Variants in NEDD4L observed in about 807,000 individuals in gnomAD.
NEDD4L encodes E3 ubiquitin-protein ligase NEDD4-like.
In NEDD4L, 54 loss-of-function variants were observed where a neutral mutation model predicts 148.9. The observed-to-expected ratio is 0.36, with a 90% confidence interval of 0.29 to 0.45. The LOEUF is 0.45. NEDD4L is among the 20% of genes least tolerant of loss of function. NEDD4L has a pLI of 1.00. For missense variants in NEDD4L, 856 were observed against 1,233.8 expected (o/e 0.69, Z 4.59); for synonymous variants, 433 against 440.7 (o/e 0.98, Z 0.22).
chr18:58,338,272 A>G lies in NEDD4L; in HGVS notation c.1125+2735A>G, dbSNP rs577595094. The stretch of plus-strand genomic sequence containing the variant: ...CTTTTTTGTTAAGCTAGGGTGGAAC[A>G]TGCTCACAAGCACAGAACAGCAGAA... On this transcript the variant is annotated intron_variant, in intron 13 of 30. Transcript: ENST00000400345. Among the ~76,000 whole-genome samples the G allele has an allele frequency of 2.0e-5, 3 of 152,376 alleles. No individual in the cohort carries two copies. The South Asian group carries it at 6.2e-4, about 32-fold the overall frequency.
At position 58,383,670 on chromosome 18, in the gene NEDD4L, G is replaced by A. The variant is rs191656602; in HGVS notation, c.2426+351G>A. On this transcript the variant is annotated intron_variant, in intron 25 of 30. Transcript: ENST00000400345. ...TCAGTGACCAGCAGGGCAAAATTAG[G>A]AACCAACAAAGAAAAAATATTTTGT... Among the ~76,000 whole-genome samples, 400 of 152,264 alleles carry A rather than the reference G, an allele frequency of 2.6e-3. 1 individual carries two copies. The highest frequency in any genetic ancestry group is 5.6e-3 in the South Asian group (27 of 4,816).
intron 2 of NEDD4L, among the ~76,000 whole-genome samples, chr18:58,225,423 C>T (rs530147227): frequency 2.0e-4 from 31 of 152,314 alleles, no homozygotes; most frequent in African/African-American, 6.7e-4. Flanking sequence ...CAGCCCCAGC[C>T]GCTTCATCTG....
At chr18:58,060,805 C>A (rs886840148) in intron 1 of NEDD4L, among the ~76,000 whole-genome samples, 1 of 152,036 alleles carries the variant, frequency 6.6e-6, no homozygotes, top group African/African-American at 2.4e-5. Flanking sequence ...GTTGCGCAGG[C>A]TGGAGTGCAA....
chr18:58,093,975 G>A (rs1042214179), intron 1 of NEDD4L, among the ~76,000 whole-genome samples: 6 of 152,162 alleles, frequency 3.9e-5, no homozygotes, highest in African/African-American at 9.7e-5. Flanking sequence ...GCTGTGGGCT[G>A]CTTTCCTGAA....
chr18:58,311,649 A>G (rs934500853), intron 5 of NEDD4L, among the ~76,000 whole-genome samples: 13 of 152,380 alleles, frequency 8.5e-5, no homozygotes, highest in African/African-American at 3.1e-4. Context: ...GTATAGTAAG[A>G]TTCGAATCAC....
chr18:58,216,012 C>G (rs2043127184), intron 2 of NEDD4L, among the ~76,000 whole-genome samples: 1 of 150,806 alleles, frequency 6.6e-6, no homozygotes, highest in South Asian at 2.1e-4. Flanking sequence ...GATTCTGTTC[C>G]TATGATACCT....
chr18:58,081,267 G>A (rs1243020072), intron 1 of NEDD4L, among the ~76,000 whole-genome samples: 3 of 142,480 alleles, frequency 2.1e-5, no homozygotes, highest in South Asian at 2.2e-4. Flanking sequence ...CTGGGCTGGA[G>A]TGCAGTGGCG....
intron 16 of NEDD4L, among the ~76,000 whole-genome samples, chr18:58,344,600 A>G (rs1351480352): frequency 1.3e-5 from 2 of 152,260 alleles, no homozygotes; most frequent in Non-Finnish European, 2.9e-5. Flanking sequence ...AACTGCTTCT[A>G]AGGCATATAA....
At chr18:58,327,886 T>C (rs2059442014) in intron 9 of NEDD4L, among the ~76,000 whole-genome samples, 1 of 152,058 alleles carries the variant, frequency 6.6e-6, no homozygotes, top group African/African-American at 2.4e-5. Flanking sequence ...ACTAAAAGCC[T>C]CTGACTAGTA....
intron 11 of NEDD4L, among the ~76,000 whole-genome samples, chr18:58,332,463 C>T (rs1320194003): frequency 6.6e-6 from 1 of 152,102 alleles, no homozygotes; most frequent in African/African-American, 2.4e-5. Flanking sequence ...GCCTGGCCAA[C>T]ATGGTGAAAC....
chr18:58,268,158 G>A lies in NEDD4L; in HGVS notation c.297+16104G>A, dbSNP rs79056639. On this transcript the variant is annotated intron_variant, in intron 5 of 30. Coordinates refer to ENST00000400345, the MANE Select transcript of NEDD4L (RefSeq NM_001144967.3). ...CTTCTATACCATCCTGAGGTTATAG[G>A]AAGAATGGGGCTCAGAGCCCGACCA... Among the ~76,000 whole-genome samples the A allele has an allele frequency of 5.2e-3, 795 of 152,180 alleles. 8 individuals carry two copies. The highest frequency in any genetic ancestry group is 8.1e-3 in the Non-Finnish European group (550 of 67,950).
At chr18:58,195,624 GATTTCTCCTC>G (rs760812793) in intron 2 of NEDD4L, 6 of 1,348,930 alleles carry the variant, frequency 4.4e-6, no homozygotes, top group Non-Finnish European at 5.9e-6. Flanking sequence ...CGGAGACCAG[GATTTCTCCTC>G]GCCGCCGTTG....
At chr18:58,284,976 T>G (rs1329987599) in intron 5 of NEDD4L, among the ~76,000 whole-genome samples, 1 of 152,218 alleles carries the variant, frequency 6.6e-6, no homozygotes, top group East Asian at 1.9e-4. Context: ...CTCCCCGTCC[T>G]CATCCATGAT....
chr18:58,063,564 T>G (rs2082435564), intron 1 of NEDD4L, among the ~76,000 whole-genome samples: 1 of 131,866 alleles, frequency 7.6e-6, no homozygotes, highest in Non-Finnish European at 1.6e-5. Flanking sequence ...CACGAGATAG[T>G]ACAGCTTTTT....
At chr18:58,226,444 C>A (rs2044363900) in intron 2 of NEDD4L, among the ~76,000 whole-genome samples, 1 of 152,176 alleles carries the variant, frequency 6.6e-6, no homozygotes, top group Admixed American at 6.5e-5. Context: ...TTATAGTAAT[C>A]CATCAAACCA....
intron 24 of NEDD4L, among the ~76,000 whole-genome samples, chr18:58,380,506 A>T (rs1219917011): frequency 6.6e-6 from 1 of 151,852 alleles, no homozygotes; most frequent in East Asian, 1.9e-4. Flanking sequence ...TTTAGTAGAG[A>T]TGGGTTTTAC....
intron 18 of NEDD4L, among the ~76,000 whole-genome samples, chr18:58,353,003 C>T (rs1208265605): frequency 1.3e-5 from 2 of 152,182 alleles, no homozygotes; most frequent in Non-Finnish European, 2.9e-5. Context: ...TGATACATAG[C>T]AGATGCTTGA....
intron 1 of NEDD4L, among the ~76,000 whole-genome samples, chr18:58,103,054 T>C (rs1174550789): frequency 1.3e-5 from 2 of 151,964 alleles, no homozygotes; most frequent in South Asian, 4.1e-4. Context: ...CTCGGTGTTA[T>C]GGACACAGTG....
chr18:58,226,697 G>T (rs866308841), intron 2 of NEDD4L, among the ~76,000 whole-genome samples: 1 of 152,162 alleles, frequency 6.6e-6, no homozygotes, highest in Non-Finnish European at 1.5e-5. Context: ...TAATAGCCTC[G>T]GCTCACCAAG....
Sources: allele counts gnomAD v4.1 joint callset (sites outside exome capture counted in the v4.1 genomes callset), GRCh38; gene constraint gnomAD v4.1.1; transcripts MANE v1.5; gene names NCBI Gene and HGNC (gene_info 2026-07-23, HGNC 2026-07-21).